The following C14orf132 variants were observed in gnomAD, a reference collection of about 807,000 sequenced individuals.
C14orf132 encodes uncharacterized protein C14orf132.
C14orf132 carries 6 observed loss-of-function variants against 5.8 expected under a neutral mutation model. That is an observed-to-expected ratio of 1.03 (90% CI 0.57 to 2.04). The LOEUF (loss-of-function observed/expected upper bound fraction) is 2.04. Among genes scored for constraint, C14orf132 ranks in the 30% most tolerant of loss-of-function variants. The probability of loss-of-function intolerance (pLI) is 0.00; values close to 1 mark genes in which losing one functional copy is unlikely to be tolerated. For missense variants in C14orf132, 125 were observed against 115.8 expected (o/e 1.08, Z -0.37); for synonymous variants, 51 against 49.8 (o/e 1.02, Z -0.10).
chr14:96,085,364 G>T (rs1595193829), intron 1 of C14orf132, among the ~76,000 whole-genome samples: 2 of 152,202 alleles, frequency 1.3e-5, no homozygotes, highest in East Asian at 3.8e-4. Context: ...GCCAGCCCAG[G>T]AATGCACATG....
intron 1 of C14orf132, among the ~76,000 whole-genome samples, chr14:96,048,861 T>C (rs989687194): frequency 3.3e-5 from 5 of 152,296 alleles, no homozygotes; most frequent in Middle Eastern, 3.4e-3. Flanking sequence ...AATATTCCAT[T>C]GTCTGGATGT....
intron 1 of C14orf132, among the ~76,000 whole-genome samples, chr14:96,083,931 C>T (rs1341919365): frequency 2.0e-5 from 3 of 152,132 alleles, no homozygotes; most frequent in African/African-American, 7.2e-5. Flanking sequence ...ATACAGGTGC[C>T]GAGTGCCTCC....
At chr14:96,047,050 A>G (rs1886849260) in intron 1 of C14orf132, among the ~76,000 whole-genome samples, 1 of 152,212 alleles carries the variant, frequency 6.6e-6, no homozygotes, top group African/African-American at 2.4e-5. Context: ...TCTTCAGCCA[A>G]TGAGTGCTTC....
chr14:96,069,183 A>ATATATATATATATATATATATG (rs372630503), intron 1 of C14orf132, among the ~76,000 whole-genome samples: 10 of 134,268 alleles, frequency 7.4e-5, no homozygotes, highest in Admixed American at 4.6e-4. Flanking sequence ...ATATATGTAT[A>ATATATATATATATATATATATG]TATATATATA....
chr14:96,069,177 A>ATG lies in C14orf132; in HGVS notation c.28-17332_28-17331dup, dbSNP rs1324953772. Among the ~76,000 whole-genome samples the ATG allele has an allele frequency of 2.0e-3, 231 of 118,400 alleles. 1 individual carries two copies. The highest frequency in any genetic ancestry group is 6.3e-3 in the African/African-American group (193 of 30,604). 77.7% of individuals were successfully genotyped at this position (118,400 alleles called of 152,430 possible). A position where few individuals can be genotyped will look rare whatever the true frequency, so the allele number is the denominator to read the frequency against. On this transcript the variant is annotated intron_variant, in intron 1 of 1. Coordinates refer to ENST00000555004, the MANE Select transcript of C14orf132 (RefSeq NM_001252507.3). ...TCATAATAAATCTCTTCATATATAT[A>ATG]TGTATATATATATATATGTATATAT...
chr14:96,041,355 C>G (rs986975508), intron 1 of C14orf132, among the ~76,000 whole-genome samples: 2 of 152,178 alleles, frequency 1.3e-5, no homozygotes, highest in African/African-American at 2.4e-5. Flanking sequence ...ATAATTTGCC[C>G]AAGAGCATGC....
At chr14:96,054,374 C>T (rs868516435) in intron 1 of C14orf132, among the ~76,000 whole-genome samples, 1 of 152,156 alleles carries the variant, frequency 6.6e-6, no homozygotes, top group Non-Finnish European at 1.5e-5. Context: ...TGATACGTTG[C>T]CACAAGCCTT....
At chr14:96,063,794 G>A (rs1595178429) in intron 1 of C14orf132, among the ~76,000 whole-genome samples, 1 of 152,246 alleles carries the variant, frequency 6.6e-6, no homozygotes, top group East Asian at 1.9e-4. Flanking sequence ...AACCCACAGA[G>A]TGGGAGAAAA....
In C14orf132 at chr14:96,081,180, G is replaced by A. The variant is rs180850113; in HGVS notation, c.28-5331G>A. ...TAACATTTGTATAAATCCATGCATA[G>A]TACATGGTCATATTATGCATGCATG... On this transcript the variant is annotated intron_variant, in intron 1 of 1. Transcript: ENST00000555004. 2.9e-3 allele frequency among the ~76,000 whole-genome samples: 447 copies of A among 152,290 alleles called. 2 individuals are homozygous for A. The highest frequency in any genetic ancestry group is 4.8e-3 in the Non-Finnish European group (326 of 68,020).
At chr14:96,077,365 A>G (rs1887900896) in intron 1 of C14orf132, among the ~76,000 whole-genome samples, 1 of 152,178 alleles carries the variant, frequency 6.6e-6, no homozygotes, top group Non-Finnish European at 1.5e-5. Flanking sequence ...CTAACTCCCA[A>G]TACCTTAGAC....
At chr14:96,067,298 T>C (rs544061354) in intron 1 of C14orf132, among the ~76,000 whole-genome samples, 2 of 152,230 alleles carry the variant, frequency 1.3e-5, no homozygotes, top group African/African-American at 4.8e-5. Flanking sequence ...GTGTGGCCAC[T>C]GCAGGGGACT....
At chr14:96,059,026 C>T (rs767802531) in intron 1 of C14orf132, among the ~76,000 whole-genome samples, 7 of 152,232 alleles carry the variant, frequency 4.6e-5, no homozygotes, top group Non-Finnish European at 8.8e-5. Flanking sequence ...CTTTAGGAGG[C>T]TGAGGCGGGC....
chr14:96,052,902 G>A (rs1455174693), intron 1 of C14orf132, among the ~76,000 whole-genome samples: 11 of 152,192 alleles, frequency 7.2e-5, no homozygotes, highest in South Asian at 2.1e-4. Flanking sequence ...GTAAGACGCC[G>A]GCTCAAGGTC....
In C14orf132 at chr14:96,064,363, TAC is replaced by T. The variant is rs148402921; in HGVS notation, c.28-22118_28-22117del. ...GGATAAAGAAACTAGGGTGCATATA[TAC>T]ACACACACACACACACACACACACA... On this transcript the variant is annotated intron_variant, in intron 1 of 1. Transcript: ENST00000555004. Among the ~76,000 whole-genome samples, 647 of 135,856 alleles carry T rather than the reference TAC, an allele frequency of 4.8e-3. 8 individuals are homozygous for T. The highest frequency in any genetic ancestry group is 0.015 in the Middle Eastern group (4 of 272). The allele number at this position is 135,856 out of a possible 152,430, so 89.1% of individuals were successfully genotyped here. A position where few individuals can be genotyped will look rare whatever the true frequency, so the allele number is the denominator to read the frequency against.
intron 1 of C14orf132, among the ~76,000 whole-genome samples, chr14:96,053,923 T>G (rs1056106993): frequency 6.6e-6 from 1 of 152,130 alleles, no homozygotes; most frequent in African/African-American, 2.4e-5. Flanking sequence ...TCTTTACCCA[T>G]CTGTCTGCCT....
At chr14:96,069,951 G>A (rs1595182787) in intron 1 of C14orf132, among the ~76,000 whole-genome samples, 1 of 152,190 alleles carries the variant, frequency 6.6e-6, no homozygotes, top group Non-Finnish European at 1.5e-5. Context: ...ATTTCTTCCA[G>A]GGCCTTCCAA....
At chr14:96,083,579 C>G (rs1030183034) in intron 1 of C14orf132, among the ~76,000 whole-genome samples, 1 of 152,192 alleles carries the variant, frequency 6.6e-6, no homozygotes, top group African/African-American at 2.4e-5. Flanking sequence ...AGATATTACA[C>G]TACTGGCTTT....
In C14orf132 at chr14:96,086,897, A is replaced by C; in HGVS notation, c.*162A>C. ...CAGCAGCCCTGATTTCAAATATCCC[A>C]TGTTGTGGTCAAGCTGAGTCAGAAG... On this transcript the variant is annotated 3_prime_UTR_variant, in exon 2 of 2. Coordinates refer to ENST00000555004, the MANE Select transcript of C14orf132 (RefSeq NM_001252507.3). 1.4e-6 allele frequency: 1 copy of C among 724,792 alleles called. No individual in the cohort carries two copies. The highest frequency in any genetic ancestry group is 2.2e-6 in the Non-Finnish European group (1 of 448,370). 44.9% of individuals were successfully genotyped at this position (724,792 alleles called of 1,614,324 possible).
Position 96,086,696 on chromosome 14 carries a change from C to T in C14orf132, c.213C>T (p.Asn71=). The stretch of plus-strand genomic sequence containing the variant: ...TTGCCATCATAGCTACGCTGGGGAA[C>T]ATCGTGGTGGTGGGCGTGGTGTATG... ...LWIAIIATLG[N]IVVVGVVYAF... The change falls in exon 2 of 2, where the codon AAC becomes AAT. Residue 71 remains asparagine, a synonymous_variant. Coordinates refer to ENST00000555004, the MANE Select transcript of C14orf132 (RefSeq NM_001252507.3). The T allele has an allele frequency of 3.3e-6, 5 of 1,536,196 alleles. No individual in the cohort carries two copies. The highest frequency in any genetic ancestry group is 4.4e-6 in the Non-Finnish European group (5 of 1,146,922).
Sources: gnomAD v4.1 joint callset for allele counts (sites outside exome capture counted in the v4.1 genomes callset) on GRCh38, gnomAD v4.1.1 for gene constraint, MANE v1.5 for transcripts, NCBI Gene and HGNC (gene_info 2026-07-23, HGNC 2026-07-21) for gene names.